NOX4: variants seen among roughly 807,000 people sequenced by gnomAD.
The protein encoded by NOX4 is kidney oxidase-1.
A neutral mutation model predicts 87.6 loss-of-function variants in NOX4; 69 were observed. The ratio of observed to expected loss-of-function variants is 0.79; its 90% CI spans 0.65 to 0.96. The LOEUF is 0.96. Among genes scored for constraint, NOX4 ranks in the 40% least tolerant of loss-of-function variants. The pLI, the probability that NOX4 is intolerant of heterozygous loss-of-function variation, is 0.00. For synonymous variants in NOX4, 275 were observed against 238.2 expected, an observed-to-expected ratio of 1.15 and a Z score of -1.42; for missense variants, 680 against 681.5, an observed-to-expected ratio of 1.00 and a Z score of 0.02.
At chr11:89,495,687 A>T (rs1946940552), upstream of NOX4, among the ~76,000 whole-genome samples, 1 of 152,136 alleles carries the variant, frequency 6.6e-6, no homozygotes, top group African/African-American at 2.4e-5. Context: ...CTAGCCTTAG[A>T]ATAAGACTTC....
At chr11:89,367,922 G>C (rs1339254698) in intron 12 of NOX4, among the ~76,000 whole-genome samples, 1 of 151,816 alleles carries the variant, frequency 6.6e-6, no homozygotes, top group African/African-American at 2.4e-5. Flanking sequence ...TTTCTCCGTG[G>C]AATAATCCCC....
At chr11:89,555,529 C>T in the NOX4 span, among the ~76,000 whole-genome samples, 191 of 152,088 alleles carry the variant, frequency 1.3e-3, no homozygotes, top group Admixed American at 2.2e-3. Flanking sequence ...TTTATTTATC[C>T]TGTTATTAAT....
chr11:89,363,724 C>G (rs1328484423), intron 12 of NOX4, among the ~76,000 whole-genome samples: 1 of 151,996 alleles, frequency 6.6e-6, no homozygotes, highest in South Asian at 2.1e-4. Flanking sequence ...TATATCCATA[C>G]CAACTAGAAA....
At chr11:89,495,769 A>G (rs931842765), upstream of NOX4, among the ~76,000 whole-genome samples, 5 of 152,214 alleles carry the variant, frequency 3.3e-5, no homozygotes, top group African/African-American at 9.6e-5. Context: ...GTCAAAAATT[A>G]TAGACCAGGA....
chr11:89,510,441 T>C, the NOX4 span, among the ~76,000 whole-genome samples: 1 of 152,026 alleles, frequency 6.6e-6, no homozygotes, highest in Non-Finnish European at 1.5e-5. Context: ...ACGAATATGA[T>C]AGAGTGAGAT....
intron 8 of NOX4, among the ~76,000 whole-genome samples, chr11:89,418,422 G>GAATAATAATAAT (rs113480992): frequency 1.8e-3 from 253 of 139,744 alleles, no homozygotes; most frequent in Non-Finnish European, 3.1e-3. Flanking sequence ...TGAACATTGA[G>GAATAATAATAAT]AATAATAATA....
chr11:89,441,073 T>C (rs1944433667), intron 5 of NOX4, among the ~76,000 whole-genome samples: 1 of 152,186 alleles, frequency 6.6e-6, no homozygotes, highest in Non-Finnish European at 1.5e-5. Context: ...TATTATTATA[T>C]ACTCTGTCTA....
rs67347334 is a variant in NOX4, at chr11:89,325,909, ATGTGTG to A, written c.*841_*846del. The A allele has an allele frequency of 8.2e-6, 1 of 122,270 alleles. No homozygotes were observed. Among genetic ancestry groups the A allele is most frequent in the Non-Finnish European group, 1.7e-5 (1 of 57,902 alleles). 7.6% of individuals were successfully genotyped at this position (122,270 alleles called of 1,614,324 possible). On this transcript the variant is annotated 3_prime_UTR_variant, in exon 18 of 18. Transcript: ENST00000263317. ...TGTATATATATATATATATATATAT[ATGTGTG>A]TGTGTGTGTATATATATATGTGTAT... is the stretch of plus-strand genomic sequence containing the variant.
rs759438847 is a variant in NOX4 at position 89,440,709 on chromosome 11, T to C, written c.454A>G (p.Arg152Gly). 4.0e-5 allele frequency: 61 copies of C among 1,541,636 alleles called. No homozygotes were observed. The highest frequency in any genetic ancestry group is 5.2e-5 in the Non-Finnish European group (59 of 1,128,758). The change falls in exon 6 of 18, where the codon AGA becomes GGA. Residue 152 changes from arginine to glycine, a missense_variant. By Grantham distance (125) the Arg-to-Gly change is moderately radical. Coordinates refer to ENST00000263317, the MANE Select transcript of NOX4 (RefSeq NM_016931.5). ...TTACCAGTTGTGAAGAGAAGTTTTC[T>C]AGGATCCTGAGAAAAAGAAAAAAAA... ...NAARYRDEDP[R>G]KLLFTTVPGL...
chr11:89,519,525 T>G, the NOX4 span, among the ~76,000 whole-genome samples: 1 of 152,100 alleles, frequency 6.6e-6, no homozygotes. Flanking sequence ...TTTTATCATC[T>G]TAAAAGAGGT....
At chr11:89,468,093 A>G (rs1476828150) in intron 2 of NOX4, among the ~76,000 whole-genome samples, 1 of 152,112 alleles carries the variant, frequency 6.6e-6, no homozygotes. Flanking sequence ...TGTACCTCCC[A>G]CCCACTGTCT....
chr11:89,330,049 A>G (rs191823285), intron 17 of NOX4, among the ~76,000 whole-genome samples: 18 of 152,250 alleles, frequency 1.2e-4, no homozygotes, highest in South Asian at 2.1e-4. Flanking sequence ...AAATACTAAT[A>G]ATGAGAACTA....
the NOX4 span, among the ~76,000 whole-genome samples, chr11:89,528,377 G>A: frequency 6.6e-6 from 1 of 152,158 alleles, no homozygotes; most frequent in Admixed American, 6.5e-5. Context: ...GGCATGATTG[G>A]TTCTGAAATG....
At chr11:89,434,670 A>T (rs1479825451) in intron 6 of NOX4, among the ~76,000 whole-genome samples, 1 of 152,082 alleles carries the variant, frequency 6.6e-6, no homozygotes, top group East Asian at 1.9e-4. Context: ...GTTCATAGCT[A>T]CTTATTTTTA....
At chr11:89,571,932 C>T in the NOX4 span, among the ~76,000 whole-genome samples, 4 of 152,306 alleles carry the variant, frequency 2.6e-5, no homozygotes, top group South Asian at 6.2e-4. Flanking sequence ...TTCTCCACTG[C>T]ATTGTTTATG....
chr11:89,523,372 G>A, the NOX4 span, among the ~76,000 whole-genome samples: 4,975 of 152,212 alleles, frequency 0.033, 170 homozygotes, highest in African/African-American at 0.083. Context: ...TCAAGGAAGG[G>A]CAAAAGTAAG....
At chr11:89,581,850 A>G in the NOX4 span, among the ~76,000 whole-genome samples, 1 of 152,038 alleles carries the variant, frequency 6.6e-6, no homozygotes, top group Non-Finnish European at 1.5e-5. Context: ...TCCTTTATTT[A>G]TTTTTTATTT....
chr11:89,451,781 T>C lies in NOX4; in HGVS notation c.264+4A>G. On this transcript the variant is annotated splice_donor_region_variant and intron_variant, in intron 3 of 17. Coordinates refer to ENST00000263317, the MANE Select transcript of NOX4 (RefSeq NM_016931.5). ...AATTTGAAAGTAGGACTGTTTTTTCTTACCTTCTGTGATCCTCGGAGGTAA... is the reference window on the plus strand; with the variant it reads ...AATTTGAAAGTAGGACTGTTTTTTCCTACCTTCTGTGATCCTCGGAGGTAA... 6.3e-7 allele frequency: 1 copy of C among 1,597,046 alleles called. No individual in the cohort carries two copies. The highest frequency in any genetic ancestry group is 8.6e-7 in the Non-Finnish European group (1 of 1,164,828).
intron 8 of NOX4, among the ~76,000 whole-genome samples, chr11:89,402,986 A>G (rs1031599054): frequency 2.6e-5 from 4 of 152,224 alleles, no homozygotes; most frequent in African/African-American, 9.6e-5. Context: ...GGATAAAACA[A>G]GCCTTGCTGA....
Sources: gnomAD v4.1 joint callset for allele counts (sites outside exome capture counted in the v4.1 genomes callset) on GRCh38, gnomAD v4.1.1 for gene constraint, MANE v1.5 for transcripts, NCBI Gene and HGNC (gene_info 2026-07-23, HGNC 2026-07-21) for gene names.